Variants in MYO10 observed in about 807,000 individuals in gnomAD.
MYO10 encodes the protein myosin X, also known as unconventional myosin-X.
Under a neutral mutation model 257.3 loss-of-function variants are expected in MYO10, and 133 were observed. The ratio of observed to expected loss-of-function variants is 0.52; its 90% CI spans 0.45 to 0.60. The LOEUF is 0.60. MYO10 is among the 20% of genes least tolerant of loss of function. MYO10 has a pLI of 0.00. For missense variants in MYO10, 2,399 were observed against 2,635.7 expected, an observed-to-expected ratio of 0.91 and a Z score of 1.97; for synonymous variants, 1,104 against 1,028.6, an observed-to-expected ratio of 1.07 and a Z score of -1.40.
At chr5:16,795,872 A>G (rs894274946) in intron 3 of MYO10, among the ~76,000 whole-genome samples, 2 of 152,054 alleles carry the variant, frequency 1.3e-5, no homozygotes, top group Non-Finnish European at 2.9e-5. Flanking sequence ...CAGCTTTTAA[A>G]AGATAACGTG....
intron 2 of MYO10, among the ~76,000 whole-genome samples, chr5:16,829,233 T>C (rs1743093788): frequency 6.6e-6 from 1 of 152,174 alleles, no homozygotes; most frequent in African/African-American, 2.4e-5. Flanking sequence ...AAGGGCCCCC[T>C]GTGCCCTGGG....
chr5:16,673,950 C>T, intron 35 of MYO10, 61 bp from the exon 36 acceptor site: 3 of 1,489,330 alleles, frequency 2.0e-6, no homozygotes, highest in Non-Finnish European at 2.8e-6. Flanking sequence ...CTGGGAGGAA[C>T]TAGGCTGTGC....
intron 2 of MYO10, among the ~76,000 whole-genome samples, chr5:16,841,199 G>C (rs1398639108): frequency 3.3e-5 from 5 of 151,382 alleles, no homozygotes; most frequent in Non-Finnish European, 7.4e-5. Context: ...ACATAACCCT[G>C]AAGACAGATT....
chr5:16,755,021 AC>A, intron 18 of MYO10, 113 bp from the exon 19 acceptor site: 1 of 557,698 alleles, frequency 1.8e-6, no homozygotes, highest in Non-Finnish European at 2.9e-6. Flanking sequence ...AAATCATAGG[AC>A]TAATAACTTA....
chr5:16,928,520 C>A (rs935455341), intron 1 of MYO10, among the ~76,000 whole-genome samples: 2 of 151,372 alleles, frequency 1.3e-5, no homozygotes, highest in Admixed American at 6.6e-5. Context: ...TTCCTACTAT[C>A]CTCATGAAGT....
chr5:16,670,405 TAA>T (rs951292393), intron 39 of MYO10, 119 bp downstream of exon 39: 6 of 848,552 alleles, frequency 7.1e-6, no homozygotes, highest in Non-Finnish European at 1.1e-5. Flanking sequence ...GGGGCTCGAA[TAA>T]AAGAGGTTGA....
chr5:16,709,086 G>A (rs1274114012), intron 21 of MYO10, among the ~76,000 whole-genome samples: 2 of 152,194 alleles, frequency 1.3e-5, no homozygotes, highest in Non-Finnish European at 2.9e-5. Context: ...GAAGCCAACA[G>A]CAAGACAACA....
At position 16,766,191 on chromosome 5, in the gene MYO10, G is replaced by T. The variant is rs780406548; in HGVS notation, c.1068C>A (p.Gly356=). The T allele has an allele frequency of 2.5e-6, 4 of 1,611,928 alleles. No individual in the cohort carries two copies. The highest frequency in any genetic ancestry group is 2.5e-6 in the Non-Finnish European group (3 of 1,178,314). The change falls in exon 11 of 41, where the codon GGC becomes GGA. Residue 356 remains glycine, a synonymous_variant. Coordinates refer to ENST00000513610, the MANE Select transcript of MYO10 (RefSeq NM_012334.3). ...GAQVSFKTAL[G]RSAELLGLDP... ...CCAGCCCAAGTAACTCCGCAGATCTGCCCAAAGCTGCAGAGAATAAGACAA... is the reference window on the plus strand; with the variant it reads ...CCAGCCCAAGTAACTCCGCAGATCTTCCCAAAGCTGCAGAGAATAAGACAA...
At chr5:16,790,134 A>G (rs1463520958) in intron 4 of MYO10, among the ~76,000 whole-genome samples, 1 of 152,050 alleles carries the variant, frequency 6.6e-6, no homozygotes, top group African/African-American at 2.4e-5. Flanking sequence ...CTAGAAATAG[A>G]AAAAGACCAA....
intron 15 of MYO10, 123 bp from the exon 16 acceptor site, chr5:16,762,236 G>A: frequency 7.8e-7 from 1 of 1,278,082 alleles, no homozygotes; most frequent in South Asian, 1.8e-5. Context: ...ACTTGCCATG[G>A]ATCTGCGTTT....
intron 2 of MYO10, among the ~76,000 whole-genome samples, chr5:16,836,843 T>C (rs1743326999): frequency 6.6e-6 from 1 of 152,134 alleles, no homozygotes; most frequent in South Asian, 2.1e-4. Flanking sequence ...CACTCCTAGA[T>C]ATATACCCAA....
chr5:16,864,716 GT>G (rs977462542), intron 2 of MYO10, among the ~76,000 whole-genome samples: 7 of 152,016 alleles, frequency 4.6e-5, no homozygotes, highest in Non-Finnish European at 7.4e-5. Context: ...AAGCAGACGA[GT>G]TTTTTTTCTT....
chr5:16,821,633 A>AT (rs370761337), intron 2 of MYO10, among the ~76,000 whole-genome samples: 4,383 of 150,966 alleles, frequency 0.029, 118 homozygotes, highest in African/African-American at 0.067. Context: ...CGCCCAGCTA[A>AT]TTTTTTGTAT....
chr5:16,750,653 A>G (rs1321774485), intron 19 of MYO10, among the ~76,000 whole-genome samples: 1 of 152,144 alleles, frequency 6.6e-6, no homozygotes, highest in East Asian at 1.9e-4. Flanking sequence ...TAGGTTATGG[A>G]CTTTACAGCT....
Position 16,672,770 on chromosome 5 carries a change from G to C in MYO10, c.5228C>G (p.Ala1743Gly). 6.2e-7 allele frequency: 1 copy of C among 1,613,936 alleles called. No homozygotes were observed. Among genetic ancestry groups the C allele is most frequent in the Non-Finnish European group, 8.5e-7 (1 of 1,179,872 alleles). The change falls in exon 37 of 41, where the codon GCT becomes GGT. Residue 1743 changes from alanine (A) to glycine (G), a missense_variant. Ala to Gly is a moderately conservative substitution (Grantham distance 60, BLOSUM62 0). This residue lies in a region of MYO10 where 1,820 missense variants were observed against 1,939.4 expected (regional missense o/e 0.94). Coordinates refer to ENST00000513610, the MANE Select transcript of MYO10 (RefSeq NM_012334.3). ...LAMEDSRNMF[A>G]LFEYNGHVDK... is the part of the protein sequence containing the mutation. The stretch of plus-strand genomic sequence containing the variant: ...GACGTGGCCGTTGTATTCAAACAAA[G>C]CAAACATGTTCCTGCTGTCCTCCAT...
chr5:16,876,270 C>G (rs2560852), intron 2 of MYO10, among the ~76,000 whole-genome samples: 110,932 of 152,104 alleles, frequency 0.73, 40,719 homozygotes, highest in African/African-American at 0.79. Context: ...GTAAAATGGA[C>G]GTGCCAGGTT....
intron 19 of MYO10, among the ~76,000 whole-genome samples, chr5:16,753,659 T>C (rs903093754): frequency 6.0e-5 from 9 of 149,550 alleles, no homozygotes; most frequent in East Asian, 2.0e-4. Context: ...TTAGTAGAGA[T>C]AGGGTTTCAC....
chr5:16,763,616 TA>T (rs750470332), intron 13 of MYO10, 38 bp downstream of exon 13: 7,504 of 1,195,636 alleles, frequency 6.3e-3, no homozygotes, highest in South Asian at 7.3e-3. Context: ...GTTGCTGCTT[TA>T]AAAAAAAAAA....
intron 19 of MYO10, among the ~76,000 whole-genome samples, chr5:16,749,729 A>G (rs1023731180): frequency 6.6e-6 from 1 of 152,204 alleles, no homozygotes; most frequent in African/African-American, 2.4e-5. Context: ...AAGACCAAAC[A>G]GGGAGGAGAG....
Sources: allele counts gnomAD v4.1 joint callset (sites outside exome capture counted in the v4.1 genomes callset), GRCh38; gene constraint gnomAD v4.1.1; regional missense constraint gnomAD v4.1.1; transcripts MANE v1.5; gene names NCBI Gene and HGNC (gene_info 2026-07-23, HGNC 2026-07-21).